The following LDHB variants were observed in gnomAD, a reference collection of about 807,000 sequenced individuals.
LDHB encodes L-lactate dehydrogenase B chain.
Under a neutral mutation model 33.4 loss-of-function variants are expected in LDHB, and 18 were observed. That is an observed-to-expected ratio of 0.54 (90% CI 0.37 to 0.80). The LOEUF is 0.80. Among genes scored for constraint, LDHB ranks in the 30% least tolerant of loss-of-function variants. The probability of loss-of-function intolerance (pLI) is 0.00; values close to 1 mark genes in which losing one functional copy is unlikely to be tolerated. For synonymous variants in LDHB, 121 were observed against 140.6 expected (o/e 0.86, Z 0.98); for missense variants, 345 against 407.9 (o/e 0.85, Z 1.33).
At chr12:21,657,192 AG>A (rs1938875174) in intron 1 of LDHB, 1 of 152,298 alleles carries the variant, frequency 6.6e-6, no homozygotes, top group Admixed American at 6.5e-5. Context: ...GAGGCCCTGC[AG>A]GAAAGAACTG....
chr12:21,638,321 A>T, intron 6 of LDHB, 32 bp downstream of exon 6: 1 of 1,088,876 alleles, frequency 9.2e-7, no homozygotes, highest in Non-Finnish European at 1.4e-6. Context: ...AGTTGAAATT[A>T]ATCATCTAAA....
intron 2 of LDHB, among the ~76,000 whole-genome samples, chr12:21,647,591 ATTTCT>A (rs1938561267): frequency 6.6e-6 from 1 of 152,016 alleles, no homozygotes. Context: ...CCAGTCTCAG[ATTTCT>A]TTTGTTTTCT....
At chr12:21,649,740 C>A (rs2136977301) in intron 2 of LDHB, among the ~76,000 whole-genome samples, 1 of 152,276 alleles carries the variant, frequency 6.6e-6, no homozygotes, top group Non-Finnish European at 1.5e-5. Context: ...GCCTCTTCCT[C>A]CTCCTAAGTA....
intron 3 of LDHB, among the ~76,000 whole-genome samples, chr12:21,644,433 A>AAAC (rs1938462961): frequency 7.1e-6 from 1 of 140,982 alleles, no homozygotes; most frequent in African/African-American, 2.6e-5. Flanking sequence ...TCAAAAAAAA[A>AAAC]AAAAAAAAAA....
intron 7 of LDHB, 126 bp from the exon 8 acceptor site, chr12:21,635,835 C>A (rs927027507): frequency 2.6e-6 from 2 of 780,414 alleles, no homozygotes; most frequent in South Asian, 1.5e-5. Flanking sequence ...GCTATGACAG[C>A]GGTACTACTC....
At chr12:21,655,106 C>T (rs1181723226) in intron 1 of LDHB, among the ~76,000 whole-genome samples, 1 of 151,368 alleles carries the variant, frequency 6.6e-6, no homozygotes, top group Non-Finnish European at 1.5e-5. Flanking sequence ...GGCAACAGAG[C>T]GATTCCGTCT....
Position 21,644,158 on chromosome 12 carries a change from T to C in LDHB, c.248-50A>G, listed in dbSNP as rs563744485. 170 of 1,289,188 alleles carry C rather than the reference T, an allele frequency of 1.3e-4. 1 individual carries two copies. In the South Asian group the frequency reaches 2.0e-3, roughly 15 times the overall value. The allele number at this position is 1,289,188 out of a possible 1,614,324, so 79.9% of individuals were successfully genotyped here. On this transcript the variant is annotated intron_variant, in intron 3 of 7. Transcript: ENST00000350669. Reference sequence around the variant, plus strand: ...GTACTTTAAATGCAACTCTTCATTATAACATAACCTATATGACATGCTCTA... The same window carrying C: ...GTACTTTAAATGCAACTCTTCATTACAACATAACCTATATGACATGCTCTA...
chr12:21,647,944 G>A (rs558662304), intron 2 of LDHB, among the ~76,000 whole-genome samples: 2 of 151,970 alleles, frequency 1.3e-5, no homozygotes, highest in South Asian at 2.1e-4. Context: ...TGATCCACCC[G>A]CCCCGGCCTC....
rs1938271465 is a variant in LDHB, at chr12:21,638,270, GCAGA to G, written c.713+79_713+82del. The G allele has an allele frequency of 9.8e-6, 8 of 819,488 alleles. No individual in the cohort carries two copies. The South Asian group carries it at 1.1e-4, about 11-fold the overall frequency. The allele number at this position is 819,488 out of a possible 1,614,324, so 50.8% of individuals were successfully genotyped here. On this transcript the variant is annotated intron_variant, in intron 6 of 7. Coordinates refer to ENST00000350669, the MANE Select transcript of LDHB (RefSeq NM_002300.8). ...ATTACTACATTAAGAGTTTATCTGA[GCAGA>G]CAGCCATGGAAAATGTTTATAATTT...
intron 5 of LDHB, among the ~76,000 whole-genome samples, chr12:21,639,290 T>A (rs551000600): frequency 9.5e-4 from 145 of 151,984 alleles, no homozygotes; most frequent in African/African-American, 3.4e-3. Flanking sequence ...TAGATCAACA[T>A]GAAAAATTTT....
chr12:21,656,529 G>T (rs1357994053), intron 1 of LDHB, among the ~76,000 whole-genome samples: 3 of 152,132 alleles, frequency 2.0e-5, no homozygotes, highest in Non-Finnish European at 4.4e-5. Context: ...GGTATACAGG[G>T]GGCCCAGGAA....
At chr12:21,639,694 C>T (rs893562279) in intron 5 of LDHB, among the ~76,000 whole-genome samples, 4 of 151,952 alleles carry the variant, frequency 2.6e-5, no homozygotes, top group Admixed American at 6.6e-5. Flanking sequence ...TAAGAACTTG[C>T]TAGTCACATT....
At chr12:21,646,654 G>A (rs1478293) in intron 3 of LDHB, among the ~76,000 whole-genome samples, 143,922 of 152,258 alleles carry the variant, frequency 0.95, 68,521 homozygotes, top group East Asian at 1. Flanking sequence ...CAGTAGAGAA[G>A]TAAGAGCTTT....
At position 21,648,549 on chromosome 12, in the gene LDHB, C is replaced by T. The variant is rs186027373; in HGVS notation, c.130-1533G>A. ...AAGGGTATTAATGGGGGGGAGGGGC[C>T]AGGTAGGTAGGTAACTGGAGTTCAG... On this transcript the variant is annotated intron_variant, in intron 2 of 7. Coordinates refer to ENST00000350669, the MANE Select transcript of LDHB (RefSeq NM_002300.8). Among the ~76,000 whole-genome samples the T allele has an allele frequency of 2.4e-3, 364 of 151,770 alleles. 4 individuals carry two copies. Among genetic ancestry groups the T allele is most frequent in the Non-Finnish European group, 4.0e-3 (270 of 67,932 alleles).
intron 5 of LDHB, among the ~76,000 whole-genome samples, chr12:21,639,402 A>G (rs1356528176): frequency 6.6e-6 from 1 of 151,928 alleles, no homozygotes; most frequent in African/African-American, 2.4e-5. Flanking sequence ...AACTAACTAA[A>G]AGTTCTTCAA....
chr12:21,648,989 C>T (rs868578216), intron 2 of LDHB, among the ~76,000 whole-genome samples: 5 of 152,160 alleles, frequency 3.3e-5, no homozygotes, highest in South Asian at 2.1e-4. Context: ...TCCTTAAACA[C>T]GTTTTGACAC....
intron 2 of LDHB, among the ~76,000 whole-genome samples, chr12:21,648,233 C>T (rs1300253919): frequency 2.0e-5 from 3 of 151,998 alleles, no homozygotes; most frequent in Non-Finnish European, 4.4e-5. Flanking sequence ...TACATCAATA[C>T]TGGGGCCCAG....
chr12:21,642,884 C>A (rs779969977), intron 4 of LDHB, among the ~76,000 whole-genome samples: 9 of 152,188 alleles, frequency 5.9e-5, no homozygotes, highest in Non-Finnish European at 8.8e-5. Flanking sequence ...TCCTTGCCAA[C>A]TTTGATTCCA....
intron 5 of LDHB, among the ~76,000 whole-genome samples, chr12:21,641,654 G>A (rs1387947068): frequency 1.3e-5 from 2 of 152,240 alleles, no homozygotes; most frequent in East Asian, 3.9e-4. Flanking sequence ...GAAGTGTACT[G>A]TGGTTATGAA....
Sources: gnomAD v4.1 joint callset for allele counts (sites outside exome capture counted in the v4.1 genomes callset) on GRCh38, gnomAD v4.1.1 for gene constraint, MANE v1.5 for transcripts, NCBI Gene and HGNC (gene_info 2026-07-23, HGNC 2026-07-21) for gene names.